The following SSR4 variants were observed in gnomAD, a reference collection of about 807,000 sequenced individuals.
SSR4 encodes the protein signal sequence receptor subunit 4.
For missense variants in SSR4, 125 were observed against 148.8 expected, an observed-to-expected ratio of 0.84 and a Z score of 0.83; for synonymous variants, 84 against 65.6, an observed-to-expected ratio of 1.28 and a Z score of -1.35.
chrX:153,796,756 A>T (rs1459164656), intron 2 of SSR4: 1 of 398,947 alleles, frequency 2.5e-6, no homozygotes, highest in African/African-American at 2.5e-5. Context: ...TACACGAGGT[A>T]ACCCTGGGCT....
At position 153,797,481 on chromosome X, in the gene SSR4, C is replaced by T. The variant is rs201630102; in HGVS notation, c.210C>T (p.Val70=). 1.0e-4 allele frequency: 121 copies of T among 1,210,162 alleles called. No homozygotes were observed. Among genetic ancestry groups the T allele is most frequent in the Middle Eastern group, 6.9e-4 (3 of 4,365 alleles). The change falls in exon 3 of 6, where the codon GTC becomes GTT. Residue 70 remains valine (V), a synonymous_variant. Transcript: ENST00000370086. ...AGAACATGGCTCTCTATGCTGACGT[C>T]GGTGGAAAACAATTCCCTGTCACTC... The part of the protein sequence containing the change: ...RVQNMALYAD[V]GGKQFPVTRG...
At chrX:153,798,000 T>TCCCCCACC in intron 4 of SSR4, 71 bp from the exon 5 acceptor site, 1 of 703,995 alleles carries the variant, frequency 1.4e-6, no homozygotes, top group Non-Finnish European at 2.3e-6. Flanking sequence ...TACCTGTCTT[T>TCCCCCACC]CCCCTCCCCT....
At chrX:153,796,786 A>G (rs2092144455) in intron 2 of SSR4, 1 of 379,146 alleles carries the variant, frequency 2.6e-6, no homozygotes. Flanking sequence ...CTGTTTCCTG[A>G]ATGAGTATCT....
rs782337486 is a variant in SSR4, at chrX:153,795,757, G to A, written c.68-677G>A. On this transcript the variant is annotated intron_variant, in intron 1 of 5. Transcript: ENST00000370086. ...GGGCACCACATTTGGACAGCGGGTGGCTGAGAACATTCCCACTTTGGGGAG... is the reference window on the plus strand; with the variant it reads ...GGGCACCACATTTGGACAGCGGGTGACTGAGAACATTCCCACTTTGGGGAG... The A allele has an allele frequency of 3.6e-5, 27 of 754,019 alleles. 1 individual carries two copies. In the Admixed American group the frequency reaches 1.7e-3, roughly 48 times the overall value. The allele number at this position is 754,019 out of a possible 1,213,427, so 62.1% of individuals were successfully genotyped here. A position where few individuals can be genotyped will look rare whatever the true frequency, so the allele number is the denominator to read the frequency against.
upstream of SSR4, chrX:153,794,230 C>T (rs1557071295): frequency 8.5e-7 from 1 of 1,179,383 alleles, no homozygotes; most frequent in Non-Finnish European, 1.1e-6. Flanking sequence ...GGTCCCGTGG[C>T]TCTTTCCCTG....
chrX:153,795,777 G>C, intron 1 of SSR4: 3 of 754,928 alleles, frequency 4.0e-6, no homozygotes, highest in Non-Finnish European at 3.1e-6. Flanking sequence ...TTCCCACTTT[G>C]GGGAGCCTTT....
intron 2 of SSR4, 95 bp downstream of exon 2, chrX:153,796,647 T>G: frequency 1.5e-6 from 1 of 686,790 alleles, no homozygotes; most frequent in Non-Finnish European, 2.3e-6. Context: ...AGAATCAAGA[T>G]TCCAACTCTT....
chrX:153,796,209 C>T (rs1002542494), intron 1 of SSR4: 6 of 405,184 alleles, frequency 1.5e-5, no homozygotes, highest in East Asian at 1.2e-4. Context: ...TCCAGAAAGC[C>T]GGCCTTGCCC....
upstream of SSR4, chrX:153,794,496 AG>A (rs782054111): frequency 3.2e-5 from 37 of 1,155,508 alleles, no homozygotes; most frequent in Admixed American, 4.2e-4. Flanking sequence ...CGCCATGTTG[AG>A]GGGGGGACCG....
chrX:153,795,079 G>A (rs1557071916), intron 1 of SSR4: 1 of 282,396 alleles, frequency 3.5e-6, no homozygotes, highest in African/African-American at 2.7e-5. Flanking sequence ...GCTCTGTAGC[G>A]CTGAGCGATC....
intron 2 of SSR4, 30 bp downstream of exon 2, chrX:153,796,582 C>G: frequency 2.6e-4 from 201 of 779,884 alleles, no homozygotes; most frequent in Non-Finnish European, 3.5e-4. Context: ...GACAGGAGGG[C>G]GGGTGGGGGG....
chrX:153,795,691 A>T (rs190881075), intron 1 of SSR4: 1 of 753,545 alleles, frequency 1.3e-6, no homozygotes, highest in Non-Finnish European at 1.6e-6. Flanking sequence ...CCAGACCCAG[A>T]GCCTTCTCTG....
chrX:153,797,027 C>T (rs375467824), intron 2 of SSR4: 11 of 181,036 alleles, frequency 6.1e-5, no homozygotes, highest in African/African-American at 2.4e-4. Context: ...GACAGGTGCT[C>T]GCCACCATGC....
chrX:153,797,226 G>A (rs893773538), intron 2 of SSR4: 17 of 419,555 alleles, frequency 4.1e-5, no homozygotes, highest in East Asian at 1.6e-4. Flanking sequence ...GTTCCTATGC[G>A]TCCAGTTAGG....
At chrX:153,794,532 G>A, upstream of SSR4, 1 of 1,165,886 alleles carries the variant, frequency 8.6e-7, no homozygotes, top group East Asian at 3.3e-5. Context: ...CCTGGCTCAG[G>A]GAGGGGCCAC....
chrX:153,797,627 T>C, intron 3 of SSR4, 95 bp downstream of exon 3: 5 of 1,113,873 alleles, frequency 4.5e-6, no homozygotes, highest in Non-Finnish European at 6.2e-6. Context: ...CCAGGGGCCG[T>C]GGGCTCTGGC....
At chrX:153,795,949 A>G (rs2092137867) in intron 1 of SSR4, 1 of 570,055 alleles carries the variant, frequency 1.8e-6, no homozygotes, top group East Asian at 1.7e-4. Flanking sequence ...GCCAGTCTTC[A>G]CCTTCTGTCA....
intron 1 of SSR4, chrX:153,795,115 C>T (rs2092131620): frequency 4.2e-6 from 1 of 235,685 alleles, no homozygotes; most frequent in Admixed American, 6.5e-5. Flanking sequence ...GCTGGAGGAG[C>T]CACATAAGCT....
rs2092139412 is a variant in SSR4 at position 153,796,122 on chromosome X, C to T, written c.68-312C>T. 4.7e-5 allele frequency: 12 copies of T among 254,131 alleles called. No homozygotes were observed. In the East Asian group the frequency reaches 8.7e-4, roughly 18 times the overall value. The allele number at this position is 254,131 out of a possible 1,213,427, so 20.9% of individuals were successfully genotyped here. A position where few individuals can be genotyped will look rare whatever the true frequency, so the allele number is the denominator to read the frequency against. On this transcript the variant is annotated intron_variant, in intron 1 of 5. Coordinates refer to ENST00000370086, the MANE Select transcript of SSR4 (RefSeq NM_006280.3). The stretch of plus-strand genomic sequence containing the variant: ...TGGCGTGGCCCCCGGGCCTCCGTGT[C>T]ATAGGTCCAAGTGTTGGCATGTATT...
Sources: gnomAD v4.1 joint callset for allele counts on GRCh38, gnomAD v4.1.1 for gene constraint, MANE v1.5 for transcripts, NCBI Gene and HGNC (gene_info 2026-07-23, HGNC 2026-07-21) for gene names.